The following PDE1A variants were observed in gnomAD, a reference collection of about 807,000 sequenced individuals.
PDE1A encodes the protein dual specificity calcium/calmodulin-dependent 3',5'-cyclic nucleotide phosphodiesterase 1A.
In PDE1A, 35 loss-of-function variants were observed where a neutral mutation model predicts 61.7. The ratio of observed to expected loss-of-function variants is 0.57; its 90% CI spans 0.43 to 0.75. PDE1A has a LOEUF of 0.75. PDE1A is among the 30% of genes least tolerant of loss of function. The pLI is 0.00. For missense variants in PDE1A, 597 were observed against 630.6 expected (o/e 0.95, Z 0.57); for synonymous variants, 232 against 213.2 (o/e 1.09, Z -0.77).
chr2:182,643,301 G>A, the PDE1A span, among the ~76,000 whole-genome samples: 1 of 152,194 alleles, frequency 6.6e-6, no homozygotes, highest in African/African-American at 2.4e-5. Flanking sequence ...AGTGCTGAGA[G>A]GTTAATTAAT....
chr2:182,603,648 G>T, the PDE1A span, among the ~76,000 whole-genome samples: 1 of 152,188 alleles, frequency 6.6e-6, no homozygotes, highest in Non-Finnish European at 1.5e-5. Flanking sequence ...CAGAATGCAG[G>T]TAAGAAGCTC....
intron 1 of PDE1A, among the ~76,000 whole-genome samples, chr2:182,303,840 A>T (rs1194889852): frequency 6.6e-6 from 1 of 152,150 alleles, no homozygotes; most frequent in East Asian, 1.9e-4. Context: ...CTTTTACATT[A>T]GTATTTGCTG....
intron 1 of PDE1A, among the ~76,000 whole-genome samples, chr2:182,265,177 TG>T (rs1692540650): frequency 6.6e-6 from 1 of 151,146 alleles, no homozygotes; most frequent in Non-Finnish European, 1.5e-5. Flanking sequence ...GGGTGATGGG[TG>T]CACAAAAATC....
the PDE1A span, among the ~76,000 whole-genome samples, chr2:182,708,465 T>A: frequency 6.6e-6 from 1 of 152,220 alleles, no homozygotes. Context: ...ACACTGCCTG[T>A]ATTAGTTTTT....
At chr2:182,147,571 A>G (rs1690562245) in intron 13 of PDE1A, among the ~76,000 whole-genome samples, 1 of 152,198 alleles carries the variant, frequency 6.6e-6, no homozygotes, top group African/African-American at 2.4e-5. Context: ...GTATGAAAGG[A>G]TAGTAGTGTT....
At chr2:182,472,215 CAAAGGA>C (rs1019145574) in intron 2 of PDE1A, among the ~76,000 whole-genome samples, 23 of 151,774 alleles carry the variant, frequency 1.5e-4, no homozygotes, top group African/African-American at 5.1e-4. Flanking sequence ...GGTATCTACC[CAAAGGA>C]AAAGAAAAAT....
At chr2:182,227,124 C>T (rs1400181407) in intron 6 of PDE1A, among the ~76,000 whole-genome samples, 1 of 151,972 alleles carries the variant, frequency 6.6e-6, no homozygotes, top group Non-Finnish European at 1.5e-5. Context: ...TCTATTTTTT[C>T]AACGGATCAC....
chr2:182,156,803 G>C (rs1691106995), intron 13 of PDE1A, among the ~76,000 whole-genome samples: 1 of 151,814 alleles, frequency 6.6e-6, no homozygotes, highest in Non-Finnish European at 1.5e-5. Context: ...CAAAGTAAAG[G>C]GCTGCTAATA....
the PDE1A span, among the ~76,000 whole-genome samples, chr2:182,544,844 CTTTA>C: frequency 6.6e-6 from 1 of 152,078 alleles, no homozygotes; most frequent in Non-Finnish European, 1.5e-5. Flanking sequence ...TCATCTCCTT[CTTTA>C]TTTATCTCCT....
chr2:182,315,251 T>C (rs1407450740), intron 1 of PDE1A, among the ~76,000 whole-genome samples: 1 of 152,162 alleles, frequency 6.6e-6, no homozygotes, highest in Non-Finnish European at 1.5e-5. Flanking sequence ...CATTAATAAG[T>C]TTGAAACTAT....
the PDE1A span, among the ~76,000 whole-genome samples, chr2:182,631,444 C>T: frequency 6.6e-6 from 1 of 152,294 alleles, no homozygotes; most frequent in Non-Finnish European, 1.5e-5. Flanking sequence ...ATCAGGCTCT[C>T]AATGGATTGT....
chr2:182,469,013 T>G (rs59621677), intron 2 of PDE1A, among the ~76,000 whole-genome samples: 1 of 152,086 alleles, frequency 6.6e-6, no homozygotes, highest in East Asian at 1.9e-4. Flanking sequence ...GTTGCATTTC[T>G]AGAATAGAGG....
the PDE1A span, among the ~76,000 whole-genome samples, chr2:182,704,499 A>C: frequency 6.6e-6 from 1 of 152,200 alleles, no homozygotes; most frequent in Non-Finnish European, 1.5e-5. Flanking sequence ...TTGGGAGAGG[A>C]AGGTCAAAGT....
At chr2:182,356,851 G>A (rs371469717) in intron 1 of PDE1A, among the ~76,000 whole-genome samples, 87 of 152,248 alleles carry the variant, frequency 5.7e-4, no homozygotes, top group African/African-American at 1.6e-3. Flanking sequence ...CTATGCAGCC[G>A]TAAGAAATGA....
chr2:182,554,841 A>G, the PDE1A span, among the ~76,000 whole-genome samples: 1 of 152,168 alleles, frequency 6.6e-6, no homozygotes, highest in Non-Finnish European at 1.5e-5. Context: ...GTTTCATAAT[A>G]TAATTTAGCA....
the PDE1A span, among the ~76,000 whole-genome samples, chr2:182,575,554 G>A: frequency 1.6e-4 from 24 of 151,614 alleles, no homozygotes; most frequent in Admixed American, 6.6e-4. Flanking sequence ...TTGCTAGGGG[G>A]TGATGGTGAG....
At chr2:182,660,549 G>T in the PDE1A span, among the ~76,000 whole-genome samples, 163 of 152,292 alleles carry the variant, frequency 1.1e-3, no homozygotes, top group Non-Finnish European at 2.0e-3. Flanking sequence ...CAAAAGGTAG[G>T]TTACCTTAGT....
At chr2:182,623,268 C>T in the PDE1A span, among the ~76,000 whole-genome samples, 4 of 152,146 alleles carry the variant, frequency 2.6e-5, no homozygotes, top group African/African-American at 9.7e-5. Context: ...GCCCAGCCAA[C>T]AGACTGGTAT....
intron 1 of PDE1A, among the ~76,000 whole-genome samples, chr2:182,357,180 T>TA (rs1256074233): frequency 2.1e-5 from 3 of 140,270 alleles, no homozygotes; most frequent in Admixed American, 1.4e-4. Context: ...TAAAGTATAA[T>TA]AAAAAAATTA....
Sources: allele counts gnomAD v4.1 joint callset (sites outside exome capture counted in the v4.1 genomes callset), GRCh38; gene constraint gnomAD v4.1.1; transcripts MANE v1.5; gene names NCBI Gene and HGNC (gene_info 2026-07-23, HGNC 2026-07-21).